The following DDHD1 variants were observed in gnomAD, a reference collection of about 807,000 sequenced individuals.
DDHD1 encodes phospholipase DDHD1.
Under a neutral mutation model 96.4 loss-of-function variants are expected in DDHD1, and 49 were observed. That is an observed-to-expected ratio of 0.51 (90% CI 0.40 to 0.64). The LOEUF (loss-of-function observed/expected upper bound fraction) is 0.64. Among genes scored for constraint, DDHD1 ranks in the 30% least tolerant of loss-of-function variants. The pLI, the probability that DDHD1 is intolerant of heterozygous loss-of-function variation, is 0.00. For missense variants in DDHD1, 1,106 were observed against 1,161.2 expected, an observed-to-expected ratio of 0.95 and a Z score of 0.69; for synonymous variants, 442 against 446.5, an observed-to-expected ratio of 0.99 and a Z score of 0.13.
chr14:53,044,710 G>A lies in DDHD1; in HGVS notation c.*2058C>T, dbSNP rs1470225968. On this transcript the variant is annotated 3_prime_UTR_variant, in exon 13 of 13. Transcript: ENST00000673822. ...GGTTTCTTAGTGAGTCACATACTTGGTCATGGAGCCTTGGAATTTTTTTTA... is the reference window on the plus strand; with the variant it reads ...GGTTTCTTAGTGAGTCACATACTTGATCATGGAGCCTTGGAATTTTTTTTA... 6.6e-6 allele frequency: 1 copy of A among 152,160 alleles called. No individual in the cohort carries two copies. Among genetic ancestry groups the A allele is most frequent in the Non-Finnish European group, 1.5e-5 (1 of 68,024 alleles). The allele number at this position is 152,160 out of a possible 1,614,324, so 9.4% of individuals were successfully genotyped here.
intron 7 of DDHD1, chr14:53,061,431 GCT>G: frequency 2.6e-6 from 1 of 382,956 alleles, no homozygotes; most frequent in Non-Finnish European, 4.6e-6. Flanking sequence ...GCTGTTAACA[GCT>G]TTTTTGTAGT....
intron 1 of DDHD1, among the ~76,000 whole-genome samples, chr14:53,132,149 C>T (rs1889909808): frequency 1.3e-5 from 2 of 152,150 alleles, no homozygotes; most frequent in African/African-American, 4.8e-5. Flanking sequence ...AAAAGCTGCT[C>T]CCCACTAGCT....
rs553593228 is a variant in DDHD1, at chr14:53,037,113, T to G, written c.*9655A>C. On this transcript the variant is annotated 3_prime_UTR_variant, in exon 13 of 13. Transcript: ENST00000673822. Reference sequence around the variant, plus strand: ...GGCTGCAAAGGACATGATTTTGTTCTTTTTATGGCTGCCTAATACTCCATG... The same window carrying G: ...GGCTGCAAAGGACATGATTTTGTTCGTTTTATGGCTGCCTAATACTCCATG... The G allele has an allele frequency of 6.6e-5, 10 of 152,312 alleles. No homozygotes were observed. The South Asian group carries it at 2.1e-3, about 32-fold the overall frequency. 9.4% of individuals were successfully genotyped at this position (152,312 alleles called of 1,614,324 possible). A position where few individuals can be genotyped will look rare whatever the true frequency, so the allele number is the denominator to read the frequency against.
At chr14:53,119,839 C>T (rs974640279) in intron 1 of DDHD1, among the ~76,000 whole-genome samples, 2 of 152,124 alleles carry the variant, frequency 1.3e-5, no homozygotes, top group African/African-American at 4.8e-5. Context: ...AAACCCATAG[C>T]CAATATCACA....
intron 1 of DDHD1, among the ~76,000 whole-genome samples, chr14:53,138,597 T>C (rs777223729): frequency 2.0e-5 from 3 of 152,210 alleles, no homozygotes; most frequent in Non-Finnish European, 2.9e-5. Flanking sequence ...ACAAAAATTT[T>C]TGAACCCTTC....
At chr14:53,139,848 A>C (rs1017495929) in intron 1 of DDHD1, among the ~76,000 whole-genome samples, 161 of 151,908 alleles carry the variant, frequency 1.1e-3, no homozygotes, top group African/African-American at 3.7e-3. Context: ...GACCACAAAA[A>C]AAAAAAAAAA....
At chr14:53,059,469 T>A (rs1189584703) in intron 8 of DDHD1, among the ~76,000 whole-genome samples, 3 of 151,422 alleles carry the variant, frequency 2.0e-5, no homozygotes, top group Non-Finnish European at 4.4e-5. Context: ...ATAGTCTCGA[T>A]CTCCTGACCT....
At chr14:53,136,166 C>G (rs1391744347) in intron 1 of DDHD1, among the ~76,000 whole-genome samples, 1 of 152,176 alleles carries the variant, frequency 6.6e-6, no homozygotes, top group Non-Finnish European at 1.5e-5. Context: ...TTGCTCCTAC[C>G]TCCACCACCT....
At chr14:53,145,502 CAA>C (rs34747977) in intron 1 of DDHD1, among the ~76,000 whole-genome samples, 60 of 61,676 alleles carry the variant, frequency 9.7e-4, no homozygotes, top group African/African-American at 2.4e-3. Flanking sequence ...AACCTTGTCT[CAA>C]AAAAAAAAAA....
At chr14:53,102,663 G>C (rs74593732) in intron 2 of DDHD1, among the ~76,000 whole-genome samples, 1 of 15,820 alleles carries the variant, frequency 6.3e-5, no homozygotes, top group Non-Finnish European at 5.6e-4. Flanking sequence ...AGAGAGGTAA[G>C]AGAGAGCAAA....
chr14:53,075,644 T>C (rs907606434), intron 4 of DDHD1, among the ~76,000 whole-genome samples: 2 of 152,186 alleles, frequency 1.3e-5, no homozygotes, highest in Admixed American at 1.3e-4. Context: ...ATATTCTCAA[T>C]GTAGACAAAA....
chr14:53,060,212 T>A (rs1883431688), intron 8 of DDHD1, among the ~76,000 whole-genome samples: 1 of 152,232 alleles, frequency 6.6e-6, no homozygotes, highest in Non-Finnish European at 1.5e-5. Context: ...AGGAAACTTA[T>A]GACATTTCCC....
intron 2 of DDHD1, chr14:53,103,359 T>C (rs1273436073): frequency 2.8e-6 from 1 of 354,824 alleles, no homozygotes; most frequent in Non-Finnish European, 5.0e-6. Context: ...CAACAAGGAA[T>C]TTTTGGGTTA....
chr14:53,060,061 C>T (rs1008110118), intron 8 of DDHD1, among the ~76,000 whole-genome samples: 31 of 151,658 alleles, frequency 2.0e-4, no homozygotes, highest in Non-Finnish European at 3.5e-4. Context: ...AATTTAAAAA[C>T]TCTTAACGTT....
At chr14:53,137,191 T>C (rs1289173608) in intron 1 of DDHD1, among the ~76,000 whole-genome samples, 1 of 152,038 alleles carries the variant, frequency 6.6e-6, no homozygotes, top group Non-Finnish European at 1.5e-5. Context: ...GAAGAAAAGA[T>C]CAGTGAAATT....
At chr14:53,079,759 T>C (rs1021927617) in intron 4 of DDHD1, among the ~76,000 whole-genome samples, 2 of 152,224 alleles carry the variant, frequency 1.3e-5, no homozygotes, top group Non-Finnish European at 1.5e-5. Flanking sequence ...CTCCATTATA[T>C]AAATAAAAGC....
At chr14:53,079,362 G>C (rs919234662) in intron 4 of DDHD1, among the ~76,000 whole-genome samples, 1 of 151,894 alleles carries the variant, frequency 6.6e-6, no homozygotes. Context: ...CACTGGAACC[G>C]ACATGTACTA....
intron 4 of DDHD1, among the ~76,000 whole-genome samples, chr14:53,074,321 AG>A (rs1884772118): frequency 6.6e-6 from 1 of 151,770 alleles, no homozygotes; most frequent in Admixed American, 6.6e-5. Context: ...GCACATGTGC[AG>A]ATTTGTGATT....
At chr14:53,136,096 T>C (rs1890223264) in intron 1 of DDHD1, among the ~76,000 whole-genome samples, 2 of 152,226 alleles carry the variant, frequency 1.3e-5, no homozygotes, top group Non-Finnish European at 2.9e-5. Context: ...AGAAGGTTCT[T>C]TGTAATCTCC....
Sources: gnomAD v4.1 joint callset for allele counts (sites outside exome capture counted in the v4.1 genomes callset) on GRCh38, gnomAD v4.1.1 for gene constraint, MANE v1.5 for transcripts, NCBI Gene and HGNC (gene_info 2026-07-23, HGNC 2026-07-21) for gene names.